Variants in PTPRT observed in about 807,000 individuals in gnomAD.
The protein encoded by PTPRT is protein tyrosine phosphatase receptor type T.
A neutral mutation model predicts 176.8 loss-of-function variants in PTPRT; 56 were observed. The observed-to-expected ratio is 0.32, with a 90% CI of 0.26 to 0.40. The LOEUF (loss-of-function observed/expected upper bound fraction) is 0.40. Among genes scored for constraint, PTPRT ranks in the 10% least tolerant of loss-of-function variants. PTPRT has a pLI of 1.00. For synonymous variants in PTPRT, 783 were observed against 739.0 expected (o/e 1.06, Z -0.96); for missense variants, 1,540 against 1,908.2 (o/e 0.81, Z 3.60).
chr20:42,760,904 AAG>A (rs1465708265), intron 5 of PTPRT, among the ~76,000 whole-genome samples: 1 of 152,200 alleles, frequency 6.6e-6, no homozygotes, highest in Admixed American at 6.5e-5. Context: ...CAGAAAATGA[AAG>A]AGTGTGGAAG....
intron 24 of PTPRT, 45 bp downstream of exon 24, chr20:42,106,741 G>A: frequency 6.3e-7 from 1 of 1,587,820 alleles, no homozygotes; most frequent in Non-Finnish European, 8.6e-7. Context: ...TTTCTCCTTG[G>A]TCAGGGCTAC....
At chr20:43,026,456 C>T (rs573724618) in intron 1 of PTPRT, among the ~76,000 whole-genome samples, 52 of 152,018 alleles carry the variant, frequency 3.4e-4, no homozygotes, top group Non-Finnish European at 7.1e-4. Flanking sequence ...TTTGAGAGTG[C>T]GTAGTAGGTG....
chr20:42,831,497 A>C (rs975704379), intron 2 of PTPRT, among the ~76,000 whole-genome samples: 3 of 152,246 alleles, frequency 2.0e-5, no homozygotes, highest in African/African-American at 7.2e-5. Flanking sequence ...AGATACCAAA[A>C]GTGATTGCAA....
chr20:42,706,915 C>A (rs1223224173), intron 6 of PTPRT, among the ~76,000 whole-genome samples: 1 of 152,178 alleles, frequency 6.6e-6, no homozygotes, highest in East Asian at 1.9e-4. Flanking sequence ...TGGCCTTAAT[C>A]CAATTTGGCT....
At chr20:42,587,223 C>T (rs1243590491) in intron 7 of PTPRT, among the ~76,000 whole-genome samples, 2 of 152,190 alleles carry the variant, frequency 1.3e-5, no homozygotes, top group African/African-American at 4.8e-5. Flanking sequence ...CATACTGCAA[C>T]TGAGGTCCCA....
chr20:42,332,864 T>A lies in PTPRT; in HGVS notation c.1866-16868A>T, dbSNP rs564055283. 3.6e-4 allele frequency among the ~76,000 whole-genome samples: 55 copies of A among 152,334 alleles called. 1 individual carries two copies. Among genetic ancestry groups the A allele is most frequent in the African/African-American group, 1.3e-3 (53 of 41,582 alleles). ...TATTTTGATATGGTACAACAAGATA[T>A]ATAAACATTTGGAATTTTTAAAATA... On this transcript the variant is annotated intron_variant, in intron 11 of 30. Coordinates refer to ENST00000373187, the MANE Select transcript of PTPRT (RefSeq NM_007050.6).
At chr20:43,031,268 T>C (rs1490609597) in intron 1 of PTPRT, among the ~76,000 whole-genome samples, 1 of 152,140 alleles carries the variant, frequency 6.6e-6, no homozygotes, top group African/African-American at 2.4e-5. Flanking sequence ...GCTGGGGCAG[T>C]GAGTGCCTGG....
chr20:42,095,099 A>AC (rs1053849280), intron 27 of PTPRT, among the ~76,000 whole-genome samples: 2 of 151,410 alleles, frequency 1.3e-5, no homozygotes, highest in Non-Finnish European at 2.9e-5. Flanking sequence ...TTCAGAATCT[A>AC]CCCCCCAGTT....
At chr20:42,199,170 G>C in intron 16 of PTPRT, 70 bp downstream of exon 16, 1 of 1,546,358 alleles carries the variant, frequency 6.5e-7, no homozygotes, top group Non-Finnish European at 8.8e-7. Flanking sequence ...AATGTGTGGG[G>C]TTCACAGCAG....
At chr20:42,757,618 A>G (rs1310838792) in intron 5 of PTPRT, among the ~76,000 whole-genome samples, 1 of 152,256 alleles carries the variant, frequency 6.6e-6, no homozygotes, top group Non-Finnish European at 1.5e-5. Context: ...TGTATGATAC[A>G]AACTTTCCAC....
chr20:42,892,740 C>A (rs1162225731), intron 1 of PTPRT, among the ~76,000 whole-genome samples: 2 of 152,118 alleles, frequency 1.3e-5, no homozygotes, highest in African/African-American at 2.4e-5. Flanking sequence ...CACTGGGGAC[C>A]CTGGGGTGGG....
intron 1 of PTPRT, among the ~76,000 whole-genome samples, chr20:42,929,033 C>G (rs1979663713): frequency 6.6e-6 from 1 of 152,330 alleles, no homozygotes; most frequent in Non-Finnish European, 1.5e-5. Context: ...CTTTGCCCAT[C>G]AATTTGGCAA....
intron 7 of PTPRT, among the ~76,000 whole-genome samples, chr20:42,591,266 G>A (rs540130822): frequency 5.0e-4 from 76 of 152,138 alleles, no homozygotes; most frequent in African/African-American, 1.4e-3. Context: ...GAAAAAGAGA[G>A]GGAAAGAGAA....
intron 7 of PTPRT, among the ~76,000 whole-genome samples, chr20:42,529,562 C>T (rs1014834813): frequency 2.6e-5 from 4 of 152,156 alleles, no homozygotes; most frequent in Non-Finnish European, 5.9e-5. Context: ...TCTCAGCTCA[C>T]GGCAACTTCC....
At chr20:43,104,014 G>A (rs2146329816) in intron 1 of PTPRT, among the ~76,000 whole-genome samples, 1 of 152,306 alleles carries the variant, frequency 6.6e-6, no homozygotes, top group South Asian at 2.1e-4. Context: ...ATTGCACTTT[G>A]TAACTTTTCT....
chr20:42,352,105 G>C lies in PTPRT; in HGVS notation c.1741C>G (p.Arg581Gly), dbSNP rs1307841673. ...ATACCTGAAATTTTGGTGGCAATCC[G>C]AGTGGTGACAGGGGGCCCAAAGCCC... ...AKGFGPPVTT[R>G]IATKISAPSM... The change falls in exon 10 of 31, where the codon CGG becomes GGG. Residue 581 changes from arginine (R) to glycine (G), a missense_variant. Arg to Gly is a moderately radical substitution (Grantham distance 125, BLOSUM62 -2). Around this residue, in one of 11 missense-constraint regions of PTPRT, gnomAD observed 136 missense variants for 135.0 expected, o/e 1.01. Coordinates refer to ENST00000373187, the MANE Select transcript of PTPRT (RefSeq NM_007050.6). 1.2e-6 allele frequency: 2 copies of C among 1,613,884 alleles called. No homozygotes were observed. Among genetic ancestry groups the C allele is most frequent in the Non-Finnish European group, 1.7e-6 (2 of 1,179,856 alleles).
At chr20:42,775,592 A>G (rs958287341) in intron 4 of PTPRT, among the ~76,000 whole-genome samples, 4 of 151,696 alleles carry the variant, frequency 2.6e-5, no homozygotes, top group Admixed American at 1.3e-4. Context: ...TAAAATATAG[A>G]TGAGAGGCTT....
intron 1 of PTPRT, among the ~76,000 whole-genome samples, chr20:42,933,099 C>A (rs568730937): frequency 1.3e-5 from 2 of 152,134 alleles, no homozygotes; most frequent in Non-Finnish European, 2.9e-5. Context: ...CTTTCTGGAC[C>A]AGACTCCCCC....
At chr20:42,257,734 C>A (rs1035232981) in intron 13 of PTPRT, among the ~76,000 whole-genome samples, 2 of 148,038 alleles carry the variant, frequency 1.4e-5, no homozygotes, top group African/African-American at 5.0e-5. Context: ...TGATTGGAAG[C>A]TTCCTGAGGC....
Sources: gnomAD v4.1 joint callset for allele counts (sites outside exome capture counted in the v4.1 genomes callset) on GRCh38, gnomAD v4.1.1 for gene constraint, gnomAD v4.1.1 regional missense constraint, MANE v1.5 for transcripts, NCBI Gene and HGNC (gene_info 2026-07-23, HGNC 2026-07-21) for gene names.